The following COQ8B variants were observed in gnomAD, a reference collection of about 807,000 sequenced individuals.
COQ8B encodes the protein coenzyme Q8B.
COQ8B carries 44 observed loss-of-function variants against 62.0 expected under a neutral mutation model. The ratio of observed to expected loss-of-function variants is 0.71; its 90% CI spans 0.56 to 0.91. COQ8B has a LOEUF of 0.91. COQ8B is among the 40% of genes least tolerant of loss of function. The pLI is 0.00. For synonymous variants in COQ8B, 252 were observed against 289.9 expected, an observed-to-expected ratio of 0.87 and a Z score of 1.33; for missense variants, 649 against 731.6, an observed-to-expected ratio of 0.89 and a Z score of 1.30.
chr19:40,716,285 A>T (rs1418017360), intron 1 of COQ8B, among the ~76,000 whole-genome samples: 1 of 152,168 alleles, frequency 6.6e-6, no homozygotes, highest in Non-Finnish European at 1.5e-5. Flanking sequence ...CTGACTCAGG[A>T]GCTGGGTGGC....
intron 12 of COQ8B, among the ~76,000 whole-genome samples, chr19:40,697,984 G>C (rs1357374001): frequency 6.6e-6 from 1 of 150,732 alleles, no homozygotes; most frequent in African/African-American, 2.4e-5. Context: ...GGGAGGCCAA[G>C]GCAGGCGGAT....
intron 12 of COQ8B, 107 bp from the exon 13 acceptor site, chr19:40,696,161 G>C (rs1425086096): frequency 7.9e-7 from 1 of 1,272,210 alleles, no homozygotes; most frequent in Non-Finnish European, 1.1e-6. Flanking sequence ...GCCTGCTCCT[G>C]CCAGAGTCCC....
At position 40,714,299 on chromosome 19, in the gene COQ8B, G is replaced by C; in HGVS notation, c.201C>G (p.Pro67=). 6.2e-7 allele frequency: 1 copy of C among 1,613,340 alleles called. No homozygotes were observed. Among genetic ancestry groups the C allele is most frequent in the African/African-American group, 1.3e-5 (1 of 75,040 alleles). The stretch of plus-strand genomic sequence containing the variant: ...ATACCTGGGGCCGGGGTGTCTTCCT[G>C]GGACGGGCCTCCCGTGCCCTGCGAA... ...EDIRRAREAR[P]RKTPRPQLSD... Residue 67 remains proline, a synonymous_variant, in exon 3 of 15, where the codon CCC becomes CCG. Transcript: ENST00000324464.
Position 40,716,746 on chromosome 19 carries a change from T to G in COQ8B, c.-163A>C. On this transcript the variant is annotated 5_prime_UTR_variant, in exon 1 of 15. Transcript: ENST00000324464. ...GCGCGGCTGGACTCGTCACCGGGGG[T>G]TTTAGGGAAGGTTGAACTTGTCATT... The G allele has an allele frequency of 1.3e-5, 2 of 152,222 alleles. No individual in the cohort carries two copies. Among genetic ancestry groups the G allele is most frequent in the Non-Finnish European group, 2.9e-5 (2 of 68,400 alleles). The allele number at this position is 152,222 out of a possible 1,614,324, so 9.4% of individuals were successfully genotyped here.
intron 1 of COQ8B, chr19:40,715,721 G>A: frequency 1.6e-6 from 1 of 620,300 alleles, no homozygotes; most frequent in Non-Finnish European, 2.0e-6. Context: ...GGAATGGTGC[G>A]ACTGGGAGCC....
At chr19:40,703,913 T>C in intron 7 of COQ8B, 58 bp from the exon 8 acceptor site, 1 of 1,546,914 alleles carries the variant, frequency 6.5e-7, no homozygotes. Flanking sequence ...CCAGGCTGAG[T>C]GCTTTACGTG....
At chr19:40,704,804 C>A (rs2082087647) in intron 7 of COQ8B, 1 of 310,574 alleles carries the variant, frequency 3.2e-6, no homozygotes, top group East Asian at 6.0e-5. Context: ...GAATCAGGGG[C>A]CGTTCTCAGT....
intron 12 of COQ8B, among the ~76,000 whole-genome samples, chr19:40,696,908 T>C (rs1413169923): frequency 6.6e-6 from 1 of 152,234 alleles, no homozygotes; most frequent in Non-Finnish European, 1.5e-5. Flanking sequence ...TCCTGCAACT[T>C]GTGCTTTTTG....
rs953899645 is a variant in COQ8B at position 40,692,166 on chromosome 19, G to A, written c.1504C>T (p.Leu502Phe). ...TCCCTGCAGGCGATGTGGGCTCGGA[G>A]GTGGGCACAGGCCAGGAAAGCCCCT... ...LAGAFLACAHLRAHIACRDLF... is the reference protein window; with the variant it reads ...LAGAFLACAHFRAHIACRDLF... The change falls in exon 15 of 15, where the codon CTC becomes TTC. Residue 502 changes from leucine to phenylalanine, a missense_variant. Leu to Phe is a conservative substitution (Grantham distance 22). Transcript: ENST00000324464. The A allele has an allele frequency of 3.2e-5, 51 of 1,597,250 alleles. No homozygotes were observed. Among genetic ancestry groups the A allele is most frequent in the Non-Finnish European group, 3.9e-5 (46 of 1,171,934 alleles).
At chr19:40,698,341 A>G (rs537458718) in intron 12 of COQ8B, among the ~76,000 whole-genome samples, 2 of 151,588 alleles carry the variant, frequency 1.3e-5, no homozygotes, top group South Asian at 2.1e-4. Context: ...GTTCAAGACT[A>G]GCCTGGCCAA....
intron 12 of COQ8B, among the ~76,000 whole-genome samples, chr19:40,699,213 G>A (rs903838757): frequency 6.6e-6 from 1 of 150,958 alleles, no homozygotes; most frequent in Non-Finnish European, 1.5e-5. Flanking sequence ...CTGCAGCCTC[G>A]ACCTCCTGGG....
intron 9 of COQ8B, among the ~76,000 whole-genome samples, chr19:40,703,181 A>G (rs2082074437): frequency 6.6e-6 from 1 of 151,702 alleles, no homozygotes; most frequent in South Asian, 2.1e-4. Context: ...CTCTTACACA[A>G]ACACAACCCA....
intron 1 of COQ8B, chr19:40,715,266 G>A (rs1352348345): frequency 4.6e-5 from 45 of 986,102 alleles, no homozygotes; most frequent in Non-Finnish European, 5.3e-5. Context: ...GGGCCCATCT[G>A]GGGGGATTGC....
Position 40,713,684 on chromosome 19 carries a change from CCA to C in COQ8B, c.289+381_289+382del, listed in dbSNP as rs1568444066. ...TGAGCCAAGACGGTGCCACTGCACT[CCA>C]GCCTGGGCAACAGAGCGAGACTCTG... On this transcript the variant is annotated intron_variant, in intron 4 of 14. Coordinates refer to ENST00000324464, the MANE Select transcript of COQ8B (RefSeq NM_024876.4). 7.8e-4 allele frequency among the ~76,000 whole-genome samples: 114 copies of C among 146,396 alleles called. 1 individual carries two copies. The highest frequency in any genetic ancestry group is 2.7e-3 in the African/African-American group (99 of 36,416).
At chr19:40,701,749 C>T (rs886315748) in intron 10 of COQ8B, among the ~76,000 whole-genome samples, 5 of 152,144 alleles carry the variant, frequency 3.3e-5, no homozygotes, top group Non-Finnish European at 7.4e-5. Context: ...GATTTCATCC[C>T]GCATCTGAGT....
At chr19:40,714,798 G>T in intron 1 of COQ8B, 163 bp from the exon 2 acceptor site, 2 of 1,342,410 alleles carry the variant, frequency 1.5e-6, no homozygotes, top group South Asian at 1.8e-5. Flanking sequence ...TGGTTGCTAG[G>T]AACCCTTAGC....
intron 7 of COQ8B, chr19:40,704,293 G>A (rs2082084102): frequency 6.2e-6 from 1 of 160,204 alleles, no homozygotes; most frequent in African/African-American, 2.4e-5. Context: ...ACAGATATGT[G>A]CCACTGTGCC....
chr19:40,703,183 C>G (rs1050893021), intron 9 of COQ8B, among the ~76,000 whole-genome samples: 2 of 152,134 alleles, frequency 1.3e-5, no homozygotes, highest in African/African-American at 4.8e-5. Flanking sequence ...CTTACACAAA[C>G]ACAACCCACC....
At chr19:40,705,932 GAAA>G (rs982789621) in intron 5 of COQ8B, among the ~76,000 whole-genome samples, 2 of 85,188 alleles carry the variant, frequency 2.3e-5, no homozygotes, top group Admixed American at 1.3e-4. Context: ...CCTGTCTCGG[GAAA>G]AAAAAAAAAA....
Sources: allele counts gnomAD v4.1 joint callset (sites outside exome capture counted in the v4.1 genomes callset), GRCh38; gene constraint gnomAD v4.1.1; transcripts MANE v1.5; gene names NCBI Gene and HGNC (gene_info 2026-07-23, HGNC 2026-07-21).